Variants in CEP85L observed in about 807,000 individuals in gnomAD.
CEP85L encodes centrosomal protein of 85 kDa-like.
A neutral mutation model predicts 100.3 loss-of-function variants in CEP85L; 60 were observed. The ratio of observed to expected loss-of-function variants is 0.60; its 90% CI spans 0.49 to 0.74. The LOEUF is 0.74. Ranked by LOEUF, CEP85L falls within the 30% of genes least tolerant of loss-of-function variation. CEP85L has a pLI of 0.00. For synonymous variants in CEP85L, 319 were observed against 322.7 expected (o/e 0.99, Z 0.12); for missense variants, 973 against 936.2 (o/e 1.04, Z -0.51).
At chr6:118,614,178 T>C (rs2184402) in intron 2 of CEP85L, among the ~76,000 whole-genome samples, 70,734 of 151,958 alleles carry the variant, frequency 0.47, 16,968 homozygotes, top group Middle Eastern at 0.57. Flanking sequence ...CTAATACCTA[T>C]TCATGATAAA....
chr6:118,645,798 T>C (rs930636202), intron 1 of CEP85L, among the ~76,000 whole-genome samples: 3 of 152,208 alleles, frequency 2.0e-5, no homozygotes, highest in African/African-American at 4.8e-5. Context: ...GCTTATACAA[T>C]GTCTAGCACA....
At chr6:118,658,211 ATTTC>A (rs1775862819) in intron 1 of CEP85L, among the ~76,000 whole-genome samples, 2 of 152,328 alleles carry the variant, frequency 1.3e-5, no homozygotes, top group South Asian at 4.1e-4. Context: ...GGGAGAACTA[ATTTC>A]TTTATGGCTT....
chr6:118,673,005 G>T (rs886853511), intron 1 of CEP85L, among the ~76,000 whole-genome samples: 1 of 152,146 alleles, frequency 6.6e-6, no homozygotes, highest in Non-Finnish European at 1.5e-5. Flanking sequence ...GATGAAGAAA[G>T]ATGAGGGAGG....
At chr6:118,702,121 T>C (rs1425444174) in intron 1 of CEP85L, among the ~76,000 whole-genome samples, 1 of 152,214 alleles carries the variant, frequency 6.6e-6, no homozygotes, top group Non-Finnish European at 1.5e-5. Flanking sequence ...GGGCTTTTAC[T>C]TTATGGTGGA....
chr6:118,559,042 T>A lies in CEP85L; in HGVS notation c.1020+6487A>T. ...TATCAATTTCTGTCTCATCTTAATA[T>A]GTCTCTTGCTGATCTGTATCATCGT... On this transcript the variant is annotated intron_variant, in intron 3 of 12. Coordinates refer to ENST00000368491, the MANE Select transcript of CEP85L (RefSeq NM_001042475.3). The A allele has an allele frequency of 4.3e-6, 7 of 1,611,392 alleles. No homozygotes were observed. The highest frequency in any genetic ancestry group is 5.9e-6 in the Non-Finnish European group (7 of 1,177,466).
At chr6:118,655,605 A>G (rs1008664485), upstream of CEP85L, among the ~76,000 whole-genome samples, 9 of 152,180 alleles carry the variant, frequency 5.9e-5, no homozygotes, top group Non-Finnish European at 1.3e-4. Context: ...GGATTCAAGA[A>G]AGCAGATCAT....
At chr6:118,547,555 T>C (rs1778278859) in intron 3 of CEP85L, among the ~76,000 whole-genome samples, 1 of 152,124 alleles carries the variant, frequency 6.6e-6, no homozygotes, top group African/African-American at 2.4e-5. Flanking sequence ...TGTAATAATT[T>C]AATGCAATTG....
At chr6:118,583,222 G>A (rs9489450) in intron 2 of CEP85L, among the ~76,000 whole-genome samples, 24,695 of 152,034 alleles carry the variant, frequency 0.16, 2,140 homozygotes, top group Non-Finnish European at 0.19. Flanking sequence ...CGGCTCCAGC[G>A]ACTCAGACTG....
intron 3 of CEP85L, among the ~76,000 whole-genome samples, chr6:118,534,151 A>T (rs1777453197): frequency 6.6e-6 from 1 of 152,186 alleles, no homozygotes; most frequent in South Asian, 2.1e-4. Flanking sequence ...TAGACCAATT[A>T]AAAACCTACT....
At chr6:118,542,214 T>G (rs1018338531) in intron 3 of CEP85L, among the ~76,000 whole-genome samples, 3 of 152,168 alleles carry the variant, frequency 2.0e-5, no homozygotes, top group Admixed American at 1.3e-4. Context: ...AACATATATT[T>G]TTAATAAACA....
chr6:118,536,853 G>T (rs1777624406), intron 3 of CEP85L, among the ~76,000 whole-genome samples: 1 of 152,076 alleles, frequency 6.6e-6, no homozygotes, highest in Admixed American at 6.6e-5. Context: ...AAAGAGGAAA[G>T]GATTTTATAT....
At chr6:118,505,518 T>C (rs774097558) in intron 5 of CEP85L, among the ~76,000 whole-genome samples, 50 of 149,638 alleles carry the variant, frequency 3.3e-4, no homozygotes, top group Non-Finnish European at 5.3e-4. Flanking sequence ...TAAACTGTGA[T>C]ATACCCAGAA....
At chr6:118,622,044 TTC>T (rs1773481918) in intron 2 of CEP85L, among the ~76,000 whole-genome samples, 2 of 152,000 alleles carry the variant, frequency 1.3e-5, no homozygotes. Flanking sequence ...GCTCTTGGAG[TTC>T]TAAGTCAGAC....
intron 1 of CEP85L, among the ~76,000 whole-genome samples, chr6:118,689,604 A>G (rs748175408): frequency 1.3e-5 from 2 of 152,238 alleles, no homozygotes; most frequent in African/African-American, 4.8e-5. Context: ...ATAATTGATC[A>G]GTGCTTGTGA....
intron 3 of CEP85L, among the ~76,000 whole-genome samples, chr6:118,527,236 T>C (rs993443382): frequency 5.9e-5 from 9 of 151,982 alleles, no homozygotes; most frequent in Non-Finnish European, 5.9e-5. Flanking sequence ...AACTCCCAAC[T>C]TCAGGTGATC....
chr6:118,707,991 A>G (rs1287248420), intron 1 of CEP85L, among the ~76,000 whole-genome samples: 1 of 151,876 alleles, frequency 6.6e-6, no homozygotes, highest in Non-Finnish European at 1.5e-5. Context: ...CGGGGGGGAA[A>G]CAATCTGGCA....
intron 6 of CEP85L, among the ~76,000 whole-genome samples, chr6:118,485,207 C>T (rs1774090731): frequency 6.6e-6 from 1 of 152,168 alleles, no homozygotes; most frequent in Non-Finnish European, 1.5e-5. Flanking sequence ...AATCTTCCAA[C>T]CATTTAATCC....
At chr6:118,626,595 G>A (rs755840459) in intron 2 of CEP85L, among the ~76,000 whole-genome samples, 4 of 152,036 alleles carry the variant, frequency 2.6e-5, no homozygotes, top group Non-Finnish European at 5.9e-5. Context: ...CGTATCTCCC[G>A]CCTTAAAGAG....
intron 1 of CEP85L, among the ~76,000 whole-genome samples, chr6:118,644,113 GTTTATATTTTTAAGTA>G (rs1479468936): frequency 1.3e-5 from 2 of 152,174 alleles, no homozygotes; most frequent in Non-Finnish European, 1.5e-5. Context: ...TTTCTGCTAG[GTTTATATTTTTAAGTA>G]TCTCACTGAA....
Sources: allele counts gnomAD v4.1 joint callset (sites outside exome capture counted in the v4.1 genomes callset), GRCh38; gene constraint gnomAD v4.1.1; transcripts MANE v1.5; gene names NCBI Gene and HGNC (gene_info 2026-07-23, HGNC 2026-07-21).